The following SEMA6A variants were observed in gnomAD, a reference collection of about 807,000 sequenced individuals.
The protein encoded by SEMA6A is semaphorin 6A, also known as semaphorin-6A.
In SEMA6A, 25 loss-of-function variants were observed where a neutral mutation model predicts 96.8. The observed-to-expected ratio is 0.26, with a 90% CI of 0.19 to 0.36. The LOEUF (loss-of-function observed/expected upper bound fraction) is 0.36, where lower values mean the gene tolerates loss of function less well. SEMA6A is among the 10% of genes least tolerant of loss of function. The pLI, the probability that SEMA6A is intolerant of heterozygous loss-of-function variation, is 1.00. For missense variants in SEMA6A, 1,363 were observed against 1,323.1 expected (o/e 1.03, Z -0.47); for synonymous variants, 612 against 518.0 (o/e 1.18, Z -2.46).
chr5:116,448,755 CAAA>C (rs3984966), intron 18 of SEMA6A, among the ~76,000 whole-genome samples: 5,106 of 106,414 alleles, frequency 0.048, 88 homozygotes, highest in East Asian at 0.1. Context: ...CATCACCTCT[CAAA>C]AAAAAAAAAA....
At chr5:116,480,058 A>G in intron 12 of SEMA6A, 64 bp downstream of exon 12, 2 of 1,569,822 alleles carry the variant, frequency 1.3e-6, no homozygotes, top group Non-Finnish European at 1.7e-6. Flanking sequence ...TGATCCACTG[A>G]TTGGTTCTCC....
chr5:116,527,771 G>A (rs747807647), intron 1 of SEMA6A, among the ~76,000 whole-genome samples: 3 of 152,082 alleles, frequency 2.0e-5, no homozygotes, highest in Non-Finnish European at 2.9e-5. Flanking sequence ...AGTTAGTAAC[G>A]ACTTTCAGTT....
chr5:116,493,888 G>A (rs191121908), intron 6 of SEMA6A, among the ~76,000 whole-genome samples: 63 of 152,202 alleles, frequency 4.1e-4, no homozygotes, highest in East Asian at 3.3e-3. Flanking sequence ...CCTATAGGCA[G>A]TGCCGTTCAC....
intron 1 of SEMA6A, among the ~76,000 whole-genome samples, chr5:116,522,044 G>A (rs1758976036): frequency 6.6e-6 from 1 of 152,082 alleles, no homozygotes; most frequent in Non-Finnish European, 1.5e-5. Flanking sequence ...GATTGTAAAG[G>A]GGGCTGTTTT....
chr5:116,476,952 T>A (rs1445450766), intron 15 of SEMA6A, among the ~76,000 whole-genome samples: 2 of 152,234 alleles, frequency 1.3e-5, no homozygotes, highest in Non-Finnish European at 2.9e-5. Context: ...ATGCAGGTAG[T>A]GGTCATCAGA....
chr5:116,469,440 C>G (rs984999420), intron 17 of SEMA6A: 1 of 150,766 alleles, frequency 6.6e-6, no homozygotes, highest in Non-Finnish European at 1.5e-5. Flanking sequence ...AGGTCTAAAA[C>G]ATAACTTTTT....
At chr5:116,456,944 C>T (rs554107903) in intron 18 of SEMA6A, among the ~76,000 whole-genome samples, 36 of 152,280 alleles carry the variant, frequency 2.4e-4, no homozygotes, top group Admixed American at 1.2e-3. Flanking sequence ...AAGAAACTCA[C>T]GAAGGTTCTT....
chr5:116,511,810 T>C (rs1758418162), intron 1 of SEMA6A, among the ~76,000 whole-genome samples: 1 of 152,232 alleles, frequency 6.6e-6, no homozygotes, highest in African/African-American at 2.4e-5. Flanking sequence ...GCCACTTGCC[T>C]GCTTGCAGCC....
chr5:116,572,737 C>A (rs1233730286), intron 1 of SEMA6A, among the ~76,000 whole-genome samples: 1 of 152,302 alleles, frequency 6.6e-6, no homozygotes, highest in East Asian at 1.9e-4. Context: ...CCAGGAGGTT[C>A]CACTCTCCAA....
At chr5:116,449,084 CTCTAA>C (rs72012179) in intron 18 of SEMA6A, among the ~76,000 whole-genome samples, 13,661 of 152,286 alleles carry the variant, frequency 0.09, 874 homozygotes, top group Non-Finnish European at 0.14. Flanking sequence ...AGCTGAGTGA[CTCTAA>C]TCAAATGCAA....
intron 6 of SEMA6A, among the ~76,000 whole-genome samples, chr5:116,494,925 A>C (rs935528541): frequency 7.8e-6 from 1 of 128,372 alleles, no homozygotes; most frequent in Non-Finnish European, 1.8e-5. Context: ...GCATAAAGCC[A>C]AAGTAAGCAA....
rs902446735 is a variant in SEMA6A at position 116,482,683 on chromosome 5, T to C, written c.963-108A>G. The C allele has an allele frequency of 4.5e-6, 5 of 1,113,004 alleles. No individual in the cohort carries two copies. In the East Asian group the frequency reaches 1.2e-4, roughly 27 times the overall value. The allele number at this position is 1,113,004 out of a possible 1,614,324, so 68.9% of individuals were successfully genotyped here. ...TGGTACAGCAAATGAAATTTAAAGT[T>C]CATACCTTGGACACTATAAATATAA... is the stretch of plus-strand genomic sequence containing the variant. On this transcript the variant is annotated intron_variant, in intron 10 of 18. Coordinates refer to ENST00000343348, the MANE Select transcript of SEMA6A (RefSeq NM_020796.5).
chr5:116,490,584 G>A (rs909079271), intron 7 of SEMA6A, among the ~76,000 whole-genome samples: 18 of 152,128 alleles, frequency 1.2e-4, no homozygotes, highest in African/African-American at 3.4e-4. Context: ...TATTCTTGAC[G>A]GAACTGCTTC....
At chr5:116,448,770 A>AC (rs1561461206) in intron 18 of SEMA6A, among the ~76,000 whole-genome samples, 1 of 151,628 alleles carries the variant, frequency 6.6e-6, no homozygotes, top group African/African-American at 2.4e-5. Context: ...AAAAAAAAAA[A>AC]AAAAAACAGT....
chr5:116,570,490 G>A (rs1580529933), intron 1 of SEMA6A, among the ~76,000 whole-genome samples: 1 of 152,178 alleles, frequency 6.6e-6, no homozygotes, highest in Non-Finnish European at 1.5e-5. Flanking sequence ...ACAGAAAATT[G>A]TCTAAACCTA....
intron 1 of SEMA6A, among the ~76,000 whole-genome samples, chr5:116,556,944 T>C (rs987980202): frequency 2.0e-5 from 3 of 152,184 alleles, no homozygotes; most frequent in Admixed American, 6.5e-5. Context: ...AAATTTACTC[T>C]CCCCACTTTC....
intron 1 of SEMA6A, among the ~76,000 whole-genome samples, chr5:116,511,306 A>G (rs1478120075): frequency 1.3e-5 from 2 of 152,190 alleles, no homozygotes; most frequent in African/African-American, 4.8e-5. Flanking sequence ...AGAAGTCTGT[A>G]GATGTCCAGT....
chr5:116,472,708 T>C, intron 17 of SEMA6A: 2 of 520,772 alleles, frequency 3.8e-6, no homozygotes, highest in South Asian at 6.7e-5. Flanking sequence ...ACATCAATTG[T>C]CTCACATAGG....
chr5:116,551,248 C>T (rs1760392415), intron 1 of SEMA6A, among the ~76,000 whole-genome samples: 1 of 150,454 alleles, frequency 6.6e-6, no homozygotes, highest in Admixed American at 6.7e-5. Context: ...AAATGGATAA[C>T]GTAGGCAATA....
Sources: gnomAD v4.1 joint callset for allele counts (sites outside exome capture counted in the v4.1 genomes callset) on GRCh38, gnomAD v4.1.1 for gene constraint, MANE v1.5 for transcripts, NCBI Gene and HGNC (gene_info 2026-07-23, HGNC 2026-07-21) for gene names.